The following RAD9B variants were observed in gnomAD, a reference collection of about 807,000 sequenced individuals.
The protein encoded by RAD9B is RAD9 checkpoint clamp component B.
In RAD9B, 41 loss-of-function variants were observed where a neutral mutation model predicts 48.3. That is an observed-to-expected ratio of 0.85 (90% CI 0.66 to 1.10). The LOEUF (loss-of-function observed/expected upper bound fraction) is 1.10, where lower values mean the gene tolerates loss of function less well. RAD9B is among the 50% of genes least tolerant of loss of function. The pLI is 0.00. For synonymous variants in RAD9B, 160 were observed against 157.9 expected, an observed-to-expected ratio of 1.01 and a Z score of -0.10; for missense variants, 444 against 485.1, an observed-to-expected ratio of 0.92 and a Z score of 0.80.
chr12:110,509,367 AG>A (rs910709623), intron 4 of RAD9B, among the ~76,000 whole-genome samples: 2 of 151,932 alleles, frequency 1.3e-5, no homozygotes, highest in Admixed American at 1.3e-4. Context: ...CAGCCTCCCA[AG>A]TGCTGGGATT....
Position 110,530,999 on chromosome 12 carries a change from T to G in RAD9B, c.*346T>G. 9.8e-7 allele frequency: 1 copy of G among 1,017,668 alleles called. No individual in the cohort carries two copies. Among genetic ancestry groups the G allele is most frequent in the East Asian group, 9.6e-5 (1 of 10,448 alleles). The allele number at this position is 1,017,668 out of a possible 1,614,324, so 63.0% of individuals were successfully genotyped here. A position where few individuals can be genotyped will look rare whatever the true frequency, so the allele number is the denominator to read the frequency against. ...ATTTAAACTTTATTCAACAGCCATT[T>G]AGAGTGCCATCAAGATGGCTTGAAA... On this transcript the variant is annotated 3_prime_UTR_variant, in exon 11 of 11. Coordinates refer to ENST00000409300, the MANE Select transcript of RAD9B (RefSeq NM_001286535.2).
chr12:110,520,628 C>CTTTTTTTTTTTTTTTTTTTTTTGTT (rs71083129), intron 9 of RAD9B, among the ~76,000 whole-genome samples: 1 of 99,968 alleles, frequency 1.0e-5, no homozygotes, highest in Non-Finnish European at 1.8e-5. Context: ...TTCTTGCTTT[C>CTTTTTTTTTTTTTTTTTTTTTTGTT]TTTTTTTTTT....
In RAD9B at chr12:110,518,742, G is replaced by A; in HGVS notation, c.662G>A (p.Gly221Glu). ...GSDEFDFFQIGMDTEITFCFK... is the reference protein window; with the variant it reads ...GSDEFDFFQIEMDTEITFCFK... ...GATGAGTTTGACTTCTTTCAAATTG[G>A]AATGGACACTGAGATAACATTTTGT... Residue 221 changes from glycine to glutamate, a missense_variant, in exon 7 of 11, where the codon GGA becomes GAA. By Grantham distance (98) the Gly-to-Glu change is moderately conservative. Transcript: ENST00000409300. 1.2e-6 allele frequency: 2 copies of A among 1,611,122 alleles called. No individual in the cohort carries two copies. Among genetic ancestry groups the A allele is most frequent in the Non-Finnish European group, 1.7e-6 (2 of 1,177,744 alleles).
Position 110,519,909 on chromosome 12 carries a change from C to A in RAD9B, c.883C>A (p.Arg295=). 1.9e-6 allele frequency: 3 copies of A among 1,608,062 alleles called. No homozygotes were observed. Among genetic ancestry groups the A allele is most frequent in the Admixed American group, 1.7e-5 (1 of 58,436 alleles). ...SPQSLCLSQK[R]KRSDLIEKKA... ...ACAGTCACTGTGTCTTTCACAGAAA[C>A]GAAAAAGGTAAGACTGTGTTTTAAC... The change falls in exon 9 of 11, where the codon CGA becomes AGA. Residue 295 remains arginine, a synonymous_variant. Coordinates refer to ENST00000409300, the MANE Select transcript of RAD9B (RefSeq NM_001286535.2).
chr12:110,503,245 C>CAA, intron 1 of RAD9B: 2 of 149,566 alleles, frequency 1.3e-5, no homozygotes, highest in Non-Finnish European at 2.9e-5. Flanking sequence ...GACTCTGTCT[C>CAA]AAAAAAAATA....
At chr12:110,507,018 T>A (rs1049532159) in intron 4 of RAD9B, among the ~76,000 whole-genome samples, 1 of 152,022 alleles carries the variant, frequency 6.6e-6, no homozygotes, top group African/African-American at 2.4e-5. Flanking sequence ...TTTTGTATTT[T>A]TAGTAGAGAC....
At chr12:110,516,639 G>A (rs1372593902) in intron 6 of RAD9B, among the ~76,000 whole-genome samples, 6 of 151,804 alleles carry the variant, frequency 4.0e-5, no homozygotes, top group South Asian at 2.1e-4. Flanking sequence ...GTGAAACCCC[G>A]TCTCTATTAA....
chr12:110,502,373 T>A lies in RAD9B; in HGVS notation c.36T>A (p.Ser12Arg). The change falls in exon 1 of 11, where the codon AGT becomes AGA. Residue 12 changes from serine (S) to arginine (R), a missense_variant. By Grantham distance (110) the Ser-to-Arg change is moderately radical. Coordinates refer to ENST00000409300, the MANE Select transcript of RAD9B (RefSeq NM_001286535.2). ...AAMLKCVMSG[S>R]QVKVFGKAVQ... ...TGCTGAAGTGCGTGATGAGCGGCAG[T>A]CAGGTGAAAGGTGGAGCGGCCTTTG... 1.2e-6 allele frequency: 2 copies of A among 1,613,812 alleles called. No individual in the cohort carries two copies. The highest frequency in any genetic ancestry group is 1.7e-6 in the Non-Finnish European group (2 of 1,179,842).
At chr12:110,505,266 C>T (rs1169533796) in intron 2 of RAD9B, among the ~76,000 whole-genome samples, 1 of 151,718 alleles carries the variant, frequency 6.6e-6, no homozygotes, top group East Asian at 1.9e-4. Flanking sequence ...CAGGTTATGT[C>T]CTGTATATAT....
Position 110,522,213 on chromosome 12 carries a change from A to C in RAD9B, c.927A>C (p.Val309=). ...DLIEKKAGKN[V]TGQALECISK... ...TTGAAAAAAAGGCTGGCAAAAATGT[A>C]ACTGGCCAGGCCCTGGAATGTATTT... Residue 309 remains valine (V), a synonymous_variant, in exon 10 of 11, where the codon GTA becomes GTC. Transcript: ENST00000409300. The C allele has an allele frequency of 6.2e-7, 1 of 1,600,652 alleles. No homozygotes were observed.
In RAD9B at chr12:110,511,909, C is replaced by T. The variant is rs183980472; in HGVS notation, c.389-870C>T. ...GTTGTCAGGCTGGAGTGCAGTGGCACGATCTCGGCTCACTGCAACCTCCAC... is the reference window on the plus strand; with the variant it reads ...GTTGTCAGGCTGGAGTGCAGTGGCATGATCTCGGCTCACTGCAACCTCCAC... On this transcript the variant is annotated intron_variant, in intron 4 of 10. Coordinates refer to ENST00000409300, the MANE Select transcript of RAD9B (RefSeq NM_001286535.2). 1.1e-4 allele frequency among the ~76,000 whole-genome samples: 16 copies of T among 151,892 alleles called. No homozygotes were observed. In the South Asian group the frequency reaches 1.2e-3, roughly 12 times the overall value.
At chr12:110,503,725 CTGAA>C in intron 1 of RAD9B, 77 bp from the exon 2 acceptor site, 1 of 977,654 alleles carries the variant, frequency 1.0e-6, no homozygotes, top group Non-Finnish European at 1.6e-6. Context: ...CTTGAGTCCT[CTGAA>C]TGCTGAACTA....
At chr12:110,503,534 G>GC (rs3834498) in intron 1 of RAD9B, 40,390 of 355,060 alleles carry the variant, frequency 0.11, 3,216 homozygotes, top group African/African-American at 0.28. Flanking sequence ...AAATTGGTTT[G>GC]CACAGTAGCT....
chr12:110,527,049 G>A (rs757665132), intron 10 of RAD9B, among the ~76,000 whole-genome samples: 24 of 152,102 alleles, frequency 1.6e-4, no homozygotes, highest in Non-Finnish European at 3.5e-4. Flanking sequence ...AGTTCCAAAG[G>A]TCGGAAGTCC....
At chr12:110,511,253 A>T (rs542738300) in intron 4 of RAD9B, among the ~76,000 whole-genome samples, 23 of 152,304 alleles carry the variant, frequency 1.5e-4, no homozygotes, top group Middle Eastern at 3.4e-3. Context: ...AGGAAAAAAA[A>T]ATATATCAAA....
intron 10 of RAD9B, among the ~76,000 whole-genome samples, chr12:110,525,510 T>C (rs1004525320): frequency 6.6e-6 from 1 of 152,178 alleles, no homozygotes; most frequent in Non-Finnish European, 1.5e-5. Context: ...ATTTAAACTA[T>C]GTATTTTTGG....
intron 10 of RAD9B, among the ~76,000 whole-genome samples, chr12:110,525,430 T>C (rs965910928): frequency 6.6e-6 from 1 of 152,060 alleles, no homozygotes; most frequent in Non-Finnish European, 1.5e-5. Flanking sequence ...CCAGCCCGCT[T>C]TGTCCTTTAC....
intron 2 of RAD9B, among the ~76,000 whole-genome samples, chr12:110,504,894 T>C (rs2063214816): frequency 2.0e-5 from 3 of 151,960 alleles, no homozygotes; most frequent in Non-Finnish European, 4.4e-5. Context: ...TCCCAGCTAC[T>C]TGGAAGGCTG....
chr12:110,510,713 C>T (rs2063433679), intron 4 of RAD9B, among the ~76,000 whole-genome samples: 1 of 152,130 alleles, frequency 6.6e-6, no homozygotes, highest in African/African-American at 2.4e-5. Context: ...TAGGTTCATA[C>T]TCATTATTGC....
Sources: allele counts gnomAD v4.1 joint callset (sites outside exome capture counted in the v4.1 genomes callset), GRCh38; gene constraint gnomAD v4.1.1; transcripts MANE v1.5; gene names NCBI Gene and HGNC (gene_info 2026-07-23, HGNC 2026-07-21).